ADAMTS10: variants seen among roughly 807,000 people sequenced by gnomAD.
ADAMTS10 encodes the protein ADAM metallopeptidase with thrombospondin type 1 motif 10, also known as A disintegrin and metalloproteinase with thrombospondin motifs 10.
In ADAMTS10, 48 loss-of-function variants were observed where a neutral mutation model predicts 135.9. The observed-to-expected ratio is 0.35, with a 90% CI of 0.28 to 0.45. ADAMTS10 has a LOEUF of 0.45. Ranked by LOEUF, ADAMTS10 falls within the 20% of genes least tolerant of loss-of-function variation. ADAMTS10 has a pLI of 1.00. For synonymous variants in ADAMTS10, 621 were observed against 647.5 expected (o/e 0.96, Z 0.62); for missense variants, 1,131 against 1,565.2 (o/e 0.72, Z 4.68).
chr19:8,593,772 C>T (rs138634973), intron 12 of ADAMTS10, among the ~76,000 whole-genome samples: 80 of 152,148 alleles, frequency 5.3e-4, no homozygotes, highest in Middle Eastern at 3.4e-3. Context: ...TCTTGGCCCA[C>T]ATCCTAAGCA....
Position 8,596,493 on chromosome 19 carries a change from C to T in ADAMTS10, c.1084+49G>A, listed in dbSNP as rs1600110928. ...GCCCCATCCACCTGCCAGGTCTCACCCCAGCCCACTGCCTTCATAGGCGCC... is the reference window on the plus strand; with the variant it reads ...GCCCCATCCACCTGCCAGGTCTCACTCCAGCCCACTGCCTTCATAGGCGCC... On this transcript the variant is annotated intron_variant, in intron 9 of 25. Coordinates refer to ENST00000597188, the MANE Select transcript of ADAMTS10 (RefSeq NM_030957.4). This position sits in a 1 kb window ranked among gnomAD's most constrained non-coding sequence, Gnocchi z 7.2. The T allele has an allele frequency of 6.2e-7, 1 of 1,613,494 alleles. No individual in the cohort carries two copies.
Position 8,586,251 on chromosome 19 carries a change from C to T in ADAMTS10, c.2531G>A (p.Gly844Asp). Residue 844 changes from glycine (G) to aspartate (D), a missense_variant and splice_region_variant, in exon 22 of 26, where the codon GGT becomes GAT. Physicochemically the swap from Gly to Asp is moderately conservative, Grantham distance 94 (BLOSUM62 -1). Around this residue, in one of 3 missense-constraint regions of ADAMTS10, gnomAD observed 745 missense variants for 1,056.3 expected, o/e 0.71. Coordinates refer to ENST00000597188, the MANE Select transcript of ADAMTS10 (RefSeq NM_030957.4). ...GCACTCCACCGCCTGCACCTGGCTA[C>T]CTGGAGGGGAGGGTGAGAGGCCTGC... ...WTKCSAQCAG[G>D]SQVQAVECRN... The T allele has an allele frequency of 6.2e-7, 1 of 1,613,220 alleles. No homozygotes were observed. The highest frequency in any genetic ancestry group is 8.5e-7 in the Non-Finnish European group (1 of 1,179,860).
rs1456078255 is a variant in ADAMTS10 at position 8,585,285 on chromosome 19, G to C, written c.2889C>G (p.Gly963=). 9 of 1,518,846 alleles carry C rather than the reference G, an allele frequency of 5.9e-6. No homozygotes were observed. Among genetic ancestry groups the C allele is most frequent in the Non-Finnish European group, 7.9e-6 (9 of 1,133,326 alleles). The allele number at this position is 1,518,846 out of a possible 1,614,324, so 94.1% of individuals were successfully genotyped here. A position where few individuals can be genotyped will look rare whatever the true frequency, so the allele number is the denominator to read the frequency against. ...TGCAAAGGACCACGCGGTGGCGGAG[G>C]CCCGGCCCGCAGCTGGGGGTGCACT... ...WSECTPSCGP[G]LRHRVVLCKS... Residue 963 remains glycine, a synonymous_variant, in exon 24 of 26, where the codon GGC becomes GGG. Transcript: ENST00000597188.
intron 1 of ADAMTS10, among the ~76,000 whole-genome samples, chr19:8,609,102 T>G (rs1244413948): frequency 6.6e-6 from 1 of 151,054 alleles, no homozygotes; most frequent in African/African-American, 2.4e-5. Flanking sequence ...AGGATGTCAG[T>G]GAGGGATCTG....
intron 25 of ADAMTS10, among the ~76,000 whole-genome samples, chr19:8,582,340 C>T (rs1255992285): frequency 3.3e-5 from 5 of 149,458 alleles, no homozygotes; most frequent in South Asian, 2.2e-4. Context: ...TGGTGGCAGG[C>T]GCCTGTAGTC....
intron 2 of ADAMTS10, among the ~76,000 whole-genome samples, chr19:8,606,591 T>G (rs1184856524): frequency 6.6e-6 from 1 of 151,948 alleles, no homozygotes; most frequent in African/African-American, 2.4e-5. Flanking sequence ...TTAGTAGAGA[T>G]GGGGTTTCAC....
At chr19:8,600,507 T>C (rs1425827638) in intron 6 of ADAMTS10, among the ~76,000 whole-genome samples, 10 of 138,944 alleles carry the variant, frequency 7.2e-5, no homozygotes, top group East Asian at 4.0e-4. Context: ...TTTCTTTTTT[T>C]TTTTTTTTTT....
intron 13 of ADAMTS10, chr19:8,592,358 G>A (rs926651249): frequency 1.4e-6 from 1 of 710,782 alleles, no homozygotes; most frequent in East Asian, 2.7e-5. Flanking sequence ...CGATAAGCGT[G>A]GAGACGAGGT....
Position 8,585,315 on chromosome 19 carries a change from T to C in ADAMTS10, c.2866-7A>G. ...GCCCGCAGCTGGGGGTGCACTGCAG[T>C]TGGAAGGGGCGTTTCGTGCTCAGGG... is the stretch of plus-strand genomic sequence containing the variant. On this transcript the variant is annotated splice_region_variant and splice_polypyrimidine_tract_variant and intron_variant, in intron 23 of 25. Transcript: ENST00000597188. 1 of 1,531,804 alleles carries C rather than the reference T, an allele frequency of 6.5e-7. No individual in the cohort carries two copies. The highest frequency in any genetic ancestry group is 8.8e-7 in the Non-Finnish European group (1 of 1,141,866). 94.9% of individuals were successfully genotyped at this position (1,531,804 alleles called of 1,614,324 possible). A position where few individuals can be genotyped will look rare whatever the true frequency, so the allele number is the denominator to read the frequency against.
chr19:8,603,979 T>C, intron 4 of ADAMTS10, 95 bp from the exon 5 acceptor site: 10 of 1,341,958 alleles, frequency 7.5e-6, no homozygotes, highest in South Asian at 1.6e-5. Context: ...ATTTCATTCT[T>C]ATCAGGTTTA....
intron 25 of ADAMTS10, among the ~76,000 whole-genome samples, chr19:8,583,617 C>T (rs546276934): frequency 8.6e-5 from 13 of 152,030 alleles, no homozygotes; most frequent in African/African-American, 2.7e-4. Flanking sequence ...GAGGCCGAGG[C>T]GGGTGGATTA....
At chr19:8,600,669 T>C (rs550010758) in intron 6 of ADAMTS10, among the ~76,000 whole-genome samples, 3 of 151,878 alleles carry the variant, frequency 2.0e-5, no homozygotes, top group Non-Finnish European at 4.4e-5. Flanking sequence ...CGGCTAATTT[T>C]TTGTATTTTT....
chr19:8,580,656 G>GT lies in ADAMTS10; in HGVS notation c.*236_*237insA. 1.9e-5 allele frequency: 10 copies of GT among 520,726 alleles called. No homozygotes were observed. Among genetic ancestry groups the GT allele is most frequent in the South Asian group, 1.8e-4 (9 of 49,690 alleles). 32.3% of individuals were successfully genotyped at this position (520,726 alleles called of 1,614,324 possible). On this transcript the variant is annotated 3_prime_UTR_variant, in exon 26 of 26. Coordinates refer to ENST00000597188, the MANE Select transcript of ADAMTS10 (RefSeq NM_030957.4). ...TCCCCTCCCCAGACCCACCCTGGAG[G>GT]GGGGGTCTCACTATGTGAACTGGAA...
At chr19:8,603,973 C>T (rs2042693463) in intron 4 of ADAMTS10, 89 bp from the exon 5 acceptor site, 7 of 1,286,718 alleles carry the variant, frequency 5.4e-6, no homozygotes, top group South Asian at 1.6e-5. Context: ...TTTATGATTT[C>T]ATTCTTATCA....
Position 8,580,865 on chromosome 19 carries a change from A to G in ADAMTS10, c.*28T>C, listed in dbSNP as rs782766697. Reference sequence around the variant, plus strand: ...CAGGGCTGGCGGCGGAGACCCCGCCAGCTGTGGCTCCGGGTGCCGCGCGCC... The same window carrying G: ...CAGGGCTGGCGGCGGAGACCCCGCCGGCTGTGGCTCCGGGTGCCGCGCGCC... On this transcript the variant is annotated 3_prime_UTR_variant, in exon 26 of 26. Transcript: ENST00000597188. 188 of 1,554,810 alleles carry G rather than the reference A, an allele frequency of 1.2e-4. No individual in the cohort carries two copies. Among genetic ancestry groups the G allele is most frequent in the Non-Finnish European group, 1.6e-4 (180 of 1,142,736 alleles).
At chr19:8,594,451 C>T (rs1418036420) in intron 12 of ADAMTS10, among the ~76,000 whole-genome samples, 1 of 152,202 alleles carries the variant, frequency 6.6e-6, no homozygotes, top group African/African-American at 2.4e-5. Context: ...ATAAATCCCC[C>T]TTTGCCAAGA....
Position 8,592,035 on chromosome 19 carries a change from C to T in ADAMTS10, c.1656G>A (p.Pro552=), listed in dbSNP as rs1555739095. 6.8e-6 allele frequency: 11 copies of T among 1,613,592 alleles called. No individual in the cohort carries two copies. The South Asian group carries it at 1.2e-4, about 18-fold the overall frequency. Residue 552 remains proline, a synonymous_variant, in exon 14 of 26, where the codon CCG becomes CCA. Coordinates refer to ENST00000597188, the MANE Select transcript of ADAMTS10 (RefSeq NM_030957.4). ...RPEGVDGAWG[P]WTPWGDCSRT... ...GGCTGCAGTCGCCCCATGGAGTCCA[C>T]GGCCCCCAGGCTCCGTCCACACCCT...
chr19:8,595,295 G>C (rs1417967783), intron 12 of ADAMTS10, among the ~76,000 whole-genome samples: 7 of 152,094 alleles, frequency 4.6e-5, no homozygotes, highest in Admixed American at 4.6e-4. Flanking sequence ...AGGGTGGGGA[G>C]AGGTCAGGAG....
At position 8,586,375 on chromosome 19, in the gene ADAMTS10, G is replaced by C. The variant is rs1555737166; in HGVS notation, c.2499C>G (p.Pro833=). Residue 833 remains proline, a synonymous_variant, in exon 21 of 26, where the codon CCC becomes CCG. Transcript: ENST00000597188. ...CACACTGGGCCGAGCACTTGGTCCA[G>C]GGCGCATAGTGCCAGGAGTAGGGGG... is the stretch of plus-strand genomic sequence containing the variant. ...SLPPYSWHYA[P]WTKCSAQCAG... 6.2e-7 allele frequency: 1 copy of C among 1,613,856 alleles called. No individual in the cohort carries two copies. The highest frequency in any genetic ancestry group is 8.5e-7 in the Non-Finnish European group (1 of 1,179,976).
Sources: allele counts gnomAD v4.1 joint callset (sites outside exome capture counted in the v4.1 genomes callset), GRCh38; gene constraint gnomAD v4.1.1; regional missense constraint gnomAD v4.1.1; non-coding constraint Gnocchi (gnomAD v3.1); transcripts MANE v1.5; gene names NCBI Gene and HGNC (gene_info 2026-07-23, HGNC 2026-07-21).